The following PCSK2 variants were observed in gnomAD, a reference collection of about 807,000 sequenced individuals.
PCSK2 encodes neuroendocrine convertase 2.
Under a neutral mutation model 69.7 loss-of-function variants are expected in PCSK2, and 14 were observed. That is an observed-to-expected ratio of 0.20 (90% CI 0.13 to 0.31). PCSK2 has a LOEUF of 0.31. Ranked by LOEUF, PCSK2 falls within the 10% of genes least tolerant of loss-of-function variation. The probability of loss-of-function intolerance (pLI) is 1.00; values close to 1 mark genes in which losing one functional copy is unlikely to be tolerated. For missense variants in PCSK2, 544 were observed against 842.5 expected, an observed-to-expected ratio of 0.65 and a Z score of 4.39; for synonymous variants, 307 against 320.7, an observed-to-expected ratio of 0.96 and a Z score of 0.46.
At chr20:17,298,187 T>C (rs749227961) in intron 2 of PCSK2, among the ~76,000 whole-genome samples, 3 of 152,242 alleles carry the variant, frequency 2.0e-5, no homozygotes, top group Non-Finnish European at 2.9e-5. Flanking sequence ...CTGAGTAAGA[T>C]ACTAAATTTT....
chr20:17,439,240 AT>A (rs1169641279), intron 8 of PCSK2, among the ~76,000 whole-genome samples: 4 of 151,758 alleles, frequency 2.6e-5, no homozygotes, highest in Admixed American at 6.6e-5. Flanking sequence ...GGCTCAAGTG[AT>A]TCTCCTGCCT....
intron 2 of PCSK2, among the ~76,000 whole-genome samples, chr20:17,276,310 C>A (rs1988073053): frequency 6.6e-6 from 1 of 152,136 alleles, no homozygotes; most frequent in Non-Finnish European, 1.5e-5. Flanking sequence ...TCCACCAATT[C>A]TTTAAGTGTT....
intron 2 of PCSK2, among the ~76,000 whole-genome samples, chr20:17,296,138 C>A (rs1430324810): frequency 6.6e-6 from 1 of 152,178 alleles, no homozygotes; most frequent in African/African-American, 2.4e-5. Flanking sequence ...AGAAATGTGA[C>A]TGCCAGTGTA....
At chr20:17,276,217 C>T (rs1292885903) in intron 2 of PCSK2, among the ~76,000 whole-genome samples, 1 of 152,072 alleles carries the variant, frequency 6.6e-6, no homozygotes, top group Non-Finnish European at 1.5e-5. Context: ...TGATAGTTTA[C>T]AGTTTTAAAA....
At chr20:17,300,436 G>C (rs1989041374) in intron 2 of PCSK2, among the ~76,000 whole-genome samples, 1 of 152,226 alleles carries the variant, frequency 6.6e-6, no homozygotes, top group Non-Finnish European at 1.5e-5. Flanking sequence ...TCCTTGCCCA[G>C]CCTATCTGCA....
At chr20:17,389,376 T>C (rs192129113) in intron 5 of PCSK2, among the ~76,000 whole-genome samples, 34 of 152,230 alleles carry the variant, frequency 2.2e-4, no homozygotes, top group Admixed American at 1.3e-3. Flanking sequence ...TTATGTGACA[T>C]AGGGCATATA....
chr20:17,331,499 G>A (rs1442752532), intron 2 of PCSK2, among the ~76,000 whole-genome samples: 1 of 152,160 alleles, frequency 6.6e-6, no homozygotes, highest in Non-Finnish European at 1.5e-5. Flanking sequence ...AAAATTGAAA[G>A]TATAATTAAA....
At chr20:17,328,258 A>C (rs1348647382) in intron 2 of PCSK2, among the ~76,000 whole-genome samples, 1 of 151,778 alleles carries the variant, frequency 6.6e-6, no homozygotes, top group Non-Finnish European at 1.5e-5. Flanking sequence ...GGATTTGGGA[A>C]TTTTATGTGT....
intron 7 of PCSK2, among the ~76,000 whole-genome samples, chr20:17,436,367 C>T (rs779169582): frequency 1.9e-4 from 29 of 152,120 alleles, no homozygotes; most frequent in Non-Finnish European, 2.1e-4. Flanking sequence ...TGGCTGCAGC[C>T]AACACCCAGT....
intron 8 of PCSK2, among the ~76,000 whole-genome samples, chr20:17,444,638 G>T (rs1389503679): frequency 6.6e-6 from 1 of 152,188 alleles, no homozygotes; most frequent in Non-Finnish European, 1.5e-5. Context: ...CAAGATTTGG[G>T]ATCAAGTAGT....
intron 5 of PCSK2, among the ~76,000 whole-genome samples, chr20:17,377,465 A>G (rs1368449475): frequency 6.6e-6 from 1 of 152,274 alleles, no homozygotes; most frequent in African/African-American, 2.4e-5. Context: ...TGTGGCCTCC[A>G]TGATAAAAGG....
chr20:17,231,549 C>G (rs1427368605), intron 1 of PCSK2, among the ~76,000 whole-genome samples: 1 of 152,196 alleles, frequency 6.6e-6, no homozygotes, highest in Non-Finnish European at 1.5e-5. Context: ...TGGCCTTCTA[C>G]AGGGAATCCT....
rs869179656 is a variant in PCSK2, at chr20:17,239,841, C to CTTTTTTT, written c.177+12382_177+12388dup. Among the ~76,000 whole-genome samples, 97 of 68,662 alleles carry CTTTTTTT rather than the reference C, an allele frequency of 1.4e-3. 15 individuals are homozygous for CTTTTTTT. Among genetic ancestry groups the CTTTTTTT allele is most frequent in the African/African-American group, 5.0e-3 (74 of 14,930 alleles). 45.0% of individuals were successfully genotyped at this position (68,662 alleles called of 152,430 possible). A position where few individuals can be genotyped will look rare whatever the true frequency, so the allele number is the denominator to read the frequency against. ...AAAATCAAACCCCAAGGTGAAAACACTTTTTTTTTTTTTTTTTTTTTTTTT... is the reference window on the plus strand; with the variant it reads ...AAAATCAAACCCCAAGGTGAAAACACTTTTTTTTTTTTTTTTTTTTTTTTTTTTTTTT... On this transcript the variant is annotated intron_variant, in intron 1 of 11. Transcript: ENST00000262545.
intron 1 of PCSK2, among the ~76,000 whole-genome samples, chr20:17,248,498 T>G (rs1391992919): frequency 6.6e-6 from 1 of 152,148 alleles, no homozygotes; most frequent in Non-Finnish European, 1.5e-5. Flanking sequence ...CTTAAGCAGC[T>G]GCTTCTCAGA....
chr20:17,465,546 G>A lies in PCSK2; in HGVS notation c.1423G>A (p.Asp475Asn). 6.3e-7 allele frequency: 1 copy of A among 1,582,196 alleles called. No homozygotes were observed. Among genetic ancestry groups the A allele is most frequent in the East Asian group, 2.2e-5 (1 of 44,496 alleles). Residue 475 changes from aspartate to asparagine, a missense_variant, in exon 11 of 12, where the codon GAC (aspartate) becomes AAC (asparagine). Transcript: ENST00000262545. ...RFHCVGGSVQDPEKIPSTGKL... is the reference protein window; with the variant it reads ...RFHCVGGSVQNPEKIPSTGKL... ...CCACTGTGTGGGAGGCTCCGTGCAGGACCCTGAGTAAGTGGGGGTAGTGGT... is the reference window on the plus strand; with the variant it reads ...CCACTGTGTGGGAGGCTCCGTGCAGAACCCTGAGTAAGTGGGGGTAGTGGT...
rs138408649 is a variant in PCSK2 at position 17,467,736 on chromosome 20, G to A, written c.1430+2183G>A. On this transcript the variant is annotated intron_variant, in intron 11 of 11. Transcript: ENST00000262545. ...TCTCTTTCCTCACCAGTAAAACGGA[G>A]CTAATGTTTTTCCTCCGCAGGCTGC... Among the ~76,000 whole-genome samples the A allele has an allele frequency of 2.6e-5, 4 of 152,152 alleles. No individual in the cohort carries two copies. In the South Asian group the frequency reaches 8.3e-4, roughly 32 times the overall value.
At chr20:17,347,822 AAGAAAGAAAGAAAGAAAGAAAG>A (rs1367115491) in intron 2 of PCSK2, among the ~76,000 whole-genome samples, 4 of 144,408 alleles carry the variant, frequency 2.8e-5, no homozygotes, top group African/African-American at 7.7e-5. Flanking sequence ...GAAAGAAAGA[AAGAAAGAAAGAAAGAAAGAAAG>A]AAAGAAAGAA....
At chr20:17,359,968 A>G (rs2030334402) in intron 3 of PCSK2, among the ~76,000 whole-genome samples, 1 of 152,220 alleles carries the variant, frequency 6.6e-6, no homozygotes, top group Admixed American at 6.5e-5. Flanking sequence ...GCATTAGAAC[A>G]TGCACTAAAG....
At chr20:17,347,559 C>T (rs1990682506) in intron 2 of PCSK2, among the ~76,000 whole-genome samples, 1 of 152,030 alleles carries the variant, frequency 6.6e-6, no homozygotes, top group Non-Finnish European at 1.5e-5. Flanking sequence ...AAGGCAAAGG[C>T]AGAAAAGCTA....
Sources: gnomAD v4.1 joint callset for allele counts (sites outside exome capture counted in the v4.1 genomes callset) on GRCh38, gnomAD v4.1.1 for gene constraint, MANE v1.5 for transcripts, NCBI Gene and HGNC (gene_info 2026-07-23, HGNC 2026-07-21) for gene names.